The following SH3BGRL variants were observed in gnomAD, a reference collection of about 807,000 sequenced individuals.
The protein encoded by SH3BGRL is adapter SH3BGRL.
A neutral mutation model predicts 9.8 loss-of-function variants in SH3BGRL; 7 were observed. The ratio of observed to expected loss-of-function variants is 0.72; its 90% CI spans 0.41 to 1.35. SH3BGRL has a LOEUF of 1.35. SH3BGRL is among the 40% of genes most tolerant of loss of function. The probability of loss-of-function intolerance (pLI) is 0.01; values close to 1 mark genes in which losing one functional copy is unlikely to be tolerated. For missense variants in SH3BGRL, 73 were observed against 84.4 expected (o/e 0.86, Z 0.53); for synonymous variants, 36 against 29.1 (o/e 1.24, Z -0.76).
At chrX:81,221,877 G>C (rs961100603) in intron 1 of SH3BGRL, among the ~76,000 whole-genome samples, 1 of 111,970 alleles carries the variant, frequency 8.9e-6, no homozygotes, top group Admixed American at 9.4e-5. Context: ...TATAGAAATT[G>C]ACTTTTAGTC....
intron 1 of SH3BGRL, among the ~76,000 whole-genome samples, chrX:81,261,545 G>C (rs182276744): frequency 1.7e-4 from 19 of 111,094 alleles, no homozygotes; most frequent in African/African-American, 5.6e-4. Flanking sequence ...TGCGGTCAGA[G>C]CTCTAAATCT....
chrX:81,297,062 C>G, intron 3 of SH3BGRL, 133 bp from the exon 4 acceptor site: 2 of 421,349 alleles, frequency 4.7e-6, no homozygotes, highest in South Asian at 1.3e-4. Context: ...CTATTAAGAA[C>G]TTTTTAAGAA....
At chrX:81,289,527 CAG>C (rs201214761) in intron 3 of SH3BGRL, among the ~76,000 whole-genome samples, 2,138 of 109,080 alleles carry the variant, frequency 0.02, 21 homozygotes, top group African/African-American at 0.032. Context: ...ACCCATCTGA[CAG>C]GGGATCGGTA....
intron 1 of SH3BGRL, among the ~76,000 whole-genome samples, chrX:81,257,106 C>T (rs1414877806): frequency 1.8e-5 from 2 of 111,495 alleles, no homozygotes; most frequent in Non-Finnish European, 3.8e-5. Flanking sequence ...ATAGCAGGCA[C>T]TAGATAACAT....
Position 81,288,090 on chromosome X carries a change from C to T in SH3BGRL, c.313-9105C>T, listed in dbSNP as rs140428662. On this transcript the variant is annotated intron_variant, in intron 3 of 3. Transcript: ENST00000373212. ...CACTATATTAGAAAGATCATTCATC[C>T]TGACCAAGTGAGAATTTTTTCTGGA... 5.0e-3 allele frequency among the ~76,000 whole-genome samples: 555 copies of T among 111,452 alleles called. 1 individual carries two copies. Among genetic ancestry groups the T allele is most frequent in the African/African-American group, 0.016 (507 of 30,731 alleles).
At chrX:81,222,919 G>A (rs1466776365) in intron 1 of SH3BGRL, among the ~76,000 whole-genome samples, 1 of 112,066 alleles carries the variant, frequency 8.9e-6, no homozygotes, top group Non-Finnish European at 1.9e-5. Context: ...TTCTCTGATT[G>A]CCAGTGATGA....
chrX:81,237,355 G>C, intron 1 of SH3BGRL: 1 of 306,472 alleles, frequency 3.3e-6, no homozygotes, highest in Non-Finnish European at 6.3e-6. Flanking sequence ...AAACAGTCTT[G>C]AATCACCAGT....
In SH3BGRL at chrX:81,213,809, G is replaced by A. The variant is rs73634726; in HGVS notation, c.45+11564G>A. On this transcript the variant is annotated intron_variant, in intron 1 of 3. Transcript: ENST00000373212. ...ATATTTTTTCACATATGAGTGGATG[G>A]CCTGTTGAAATTCAAGTGCAAAACA... 3.3e-3 allele frequency among the ~76,000 whole-genome samples: 369 copies of A among 111,878 alleles called. 1 individual carries two copies. The highest frequency in any genetic ancestry group is 0.011 in the African/African-American group (336 of 30,799).
At chrX:81,221,299 C>T (rs944663782) in intron 1 of SH3BGRL, among the ~76,000 whole-genome samples, 1 of 111,164 alleles carries the variant, frequency 9.0e-6, no homozygotes, top group African/African-American at 3.3e-5. Context: ...GGTGCTCCAG[C>T]GGTTGTTGCA....
chrX:81,248,349 G>T (rs1044506277), intron 1 of SH3BGRL, among the ~76,000 whole-genome samples: 1 of 112,230 alleles, frequency 8.9e-6, no homozygotes, highest in Non-Finnish European at 1.9e-5. Flanking sequence ...TTTACTGAGA[G>T]ACTCTTTGTA....
At chrX:81,288,435 T>C (rs1350764822) in intron 3 of SH3BGRL, among the ~76,000 whole-genome samples, 2 of 111,802 alleles carry the variant, frequency 1.8e-5, no homozygotes, top group Non-Finnish European at 3.8e-5. Context: ...GAGTCTTAGC[T>C]AGAGCAACCA....
chrX:81,236,154 C>T (rs973053171), intron 1 of SH3BGRL, among the ~76,000 whole-genome samples: 3 of 111,466 alleles, frequency 2.7e-5, no homozygotes, highest in Non-Finnish European at 5.6e-5. Context: ...CTATAATCAC[C>T]GAATACTTCT....
intron 1 of SH3BGRL, among the ~76,000 whole-genome samples, chrX:81,258,872 A>G: frequency 8.9e-6 from 1 of 112,349 alleles, no homozygotes; most frequent in East Asian, 2.8e-4. Flanking sequence ...TAATTTATCT[A>G]TTTAGATGCA....
chrX:81,255,300 A>G (rs1236596756), intron 1 of SH3BGRL, among the ~76,000 whole-genome samples: 1 of 111,804 alleles, frequency 8.9e-6, no homozygotes, highest in African/African-American at 3.3e-5. Flanking sequence ...ATGGGTGGCT[A>G]TGTTTAATTT....
intron 1 of SH3BGRL, among the ~76,000 whole-genome samples, chrX:81,218,660 T>A (rs980065129): frequency 4.7e-5 from 5 of 105,297 alleles, no homozygotes; most frequent in African/African-American, 1.7e-4. Flanking sequence ...TATCTATATA[T>A]CTGTATGTAT....
rs774519579 is a variant in SH3BGRL at position 81,297,236 on chromosome X, C to A, written c.*9C>A. 1.7e-6 allele frequency: 2 copies of A among 1,197,282 alleles called. No homozygotes were observed. Among genetic ancestry groups the A allele is most frequent in the Admixed American group, 2.2e-5 (1 of 45,487 alleles). On this transcript the variant is annotated 3_prime_UTR_variant, in exon 4 of 4. Coordinates refer to ENST00000373212, the MANE Select transcript of SH3BGRL (RefSeq NM_003022.3). ...CAAAGCAGCAAGCATGAACCTTAAG[C>A]ACTGTGCTTTAAGCATCCTGAAAAA...
chrX:81,287,676 C>A (rs1194349981), intron 3 of SH3BGRL, among the ~76,000 whole-genome samples: 2 of 110,167 alleles, frequency 1.8e-5, no homozygotes, highest in Non-Finnish European at 3.8e-5. Context: ...AGGGGAGGGA[C>A]AAGATTAGGA....
chrX:81,293,797 A>G (rs2075865731), intron 3 of SH3BGRL, among the ~76,000 whole-genome samples: 1 of 112,397 alleles, frequency 8.9e-6, no homozygotes, highest in South Asian at 3.7e-4. Context: ...CTAGAGACTT[A>G]TTGAATGACT....
At chrX:81,218,622 T>C (rs1745059600) in intron 1 of SH3BGRL, among the ~76,000 whole-genome samples, 1 of 106,641 alleles carries the variant, frequency 9.4e-6, no homozygotes, top group Non-Finnish European at 1.9e-5. Flanking sequence ...CTGCTGTTAA[T>C]CTGACAGGTT....
Sources: allele counts gnomAD v4.1 joint callset (sites outside exome capture counted in the v4.1 genomes callset), GRCh38; gene constraint gnomAD v4.1.1; transcripts MANE v1.5; gene names NCBI Gene and HGNC (gene_info 2026-07-23, HGNC 2026-07-21).